Variants in TRIB2 observed in about 807,000 individuals in gnomAD.
TRIB2 encodes the protein tribbles pseudokinase 2, also known as tribbles homolog 2.
In TRIB2, 2 loss-of-function variants were observed where a neutral mutation model predicts 26.8. The observed-to-expected ratio is 0.07, with a 90% CI of 0.03 to 0.24. The LOEUF is 0.24. Ranked by LOEUF, TRIB2 falls within the 10% of genes least tolerant of loss-of-function variation. The probability of loss-of-function intolerance (pLI) is 1.00; values close to 1 mark genes in which losing one functional copy is unlikely to be tolerated. For missense variants in TRIB2, 306 were observed against 449.0 expected, an observed-to-expected ratio of 0.68 and a Z score of 2.88; for synonymous variants, 189 against 187.3, an observed-to-expected ratio of 1.01 and a Z score of -0.08.
At chr2:12,723,655 A>T in intron 2 of TRIB2, 103 bp downstream of exon 2, 1 of 1,370,888 alleles carries the variant, frequency 7.3e-7, no homozygotes, top group Non-Finnish European at 9.8e-7. Flanking sequence ...TCTGTGGTCC[A>T]GATGAGGGGA....
At chr2:12,737,049 A>G (rs1170519374) in intron 2 of TRIB2, among the ~76,000 whole-genome samples, 1 of 152,148 alleles carries the variant, frequency 6.6e-6, no homozygotes, top group African/African-American at 2.4e-5. Context: ...AACAGCAAAC[A>G]GGCTGGGATG....
In TRIB2 at chr2:12,742,507, G is replaced by A. The variant is rs1661733003; in HGVS notation, c.*1713G>A. ...CCTTGATTCTATTTTGCTAATGGAA[G>A]ATAGAAAGGAGAGAAGGTTTTTTTT... On this transcript the variant is annotated 3_prime_UTR_variant, in exon 3 of 3. Transcript: ENST00000155926. 1 of 151,622 alleles carries A rather than the reference G, an allele frequency of 6.6e-6. No individual in the cohort carries two copies. The highest frequency in any genetic ancestry group is 1.5e-5 in the Non-Finnish European group (1 of 67,902). 9.4% of individuals were successfully genotyped at this position (151,622 alleles called of 1,614,324 possible).
chr2:12,730,435 G>T (rs1661430504), intron 2 of TRIB2, among the ~76,000 whole-genome samples: 1 of 152,142 alleles, frequency 6.6e-6, no homozygotes, highest in Non-Finnish European at 1.5e-5. Context: ...CCCTGAGAAA[G>T]AATTTTCTCA....
rs140567321 is a variant in TRIB2 at position 12,739,846 on chromosome 2, G to A, written c.564-480G>A. ...TGTAGTGAGGCCAAAATGCAAGTAA[G>A]GTGAAAGGTCTTTGTGGACTGTGGT... On this transcript the variant is annotated intron_variant, in intron 2 of 2. Coordinates refer to ENST00000155926, the MANE Select transcript of TRIB2 (RefSeq NM_021643.4). Among the ~76,000 whole-genome samples, 866 of 152,320 alleles carry A rather than the reference G, an allele frequency of 5.7e-3. 7 individuals carry two copies. The highest frequency in any genetic ancestry group is 0.02 in the African/African-American group (813 of 41,564).
chr2:12,718,077 C>G lies in TRIB2; in HGVS notation c.-231C>G. On this transcript the variant is annotated 5_prime_UTR_variant, in exon 1 of 3. Transcript: ENST00000155926. The surrounding 1 kb of genome is among the most constrained non-coding windows in gnomAD (Gnocchi z 4.0). ...ACTGCTTTGGGGTAACAAAAAGACC[C>G]GAGTTGCCTGCCGACCGAGGACCCC... 1.7e-6 allele frequency: 1 copy of G among 588,238 alleles called. No individual in the cohort carries two copies. The highest frequency in any genetic ancestry group is 2.9e-5 in the East Asian group (1 of 34,894). The allele number at this position is 588,238 out of a possible 1,614,324, so 36.4% of individuals were successfully genotyped here. A position where few individuals can be genotyped will look rare whatever the true frequency, so the allele number is the denominator to read the frequency against.
At chr2:12,736,934 G>A (rs35330522) in intron 2 of TRIB2, among the ~76,000 whole-genome samples, 68,477 of 152,072 alleles carry the variant, frequency 0.45, 16,461 homozygotes, top group East Asian at 0.83. Flanking sequence ...TCGAGCAGAG[G>A]CAAGACAAAA....
At chr2:12,729,898 T>C (rs1008573595) in intron 2 of TRIB2, among the ~76,000 whole-genome samples, 1 of 152,198 alleles carries the variant, frequency 6.6e-6, no homozygotes, top group Non-Finnish European at 1.5e-5. Context: ...TATATTAATA[T>C]GTTAAGTGCC....
intron 2 of TRIB2, among the ~76,000 whole-genome samples, chr2:12,735,348 C>G (rs1031570741): frequency 6.6e-6 from 1 of 152,140 alleles, no homozygotes; most frequent in Non-Finnish European, 1.5e-5. Flanking sequence ...AAAGAGCAGG[C>G]TCCTGCCCCA....
intron 2 of TRIB2, chr2:12,724,591 G>C: frequency 6.3e-7 from 1 of 1,586,696 alleles, no homozygotes; most frequent in Non-Finnish European, 8.6e-7. Context: ...GGAAGATTTA[G>C]AGTGTGGAAC....
rs1666663510 is a variant in TRIB2 at position 12,718,949 on chromosome 2, C to A, written c.270+372C>A. The stretch of plus-strand genomic sequence containing the variant: ...CCCCTTCCAACAAGGATTAGGGAAT[C>A]CCCCGGTAATTTTAAGACTGATGAC... On this transcript the variant is annotated intron_variant, in intron 1 of 2. Coordinates refer to ENST00000155926, the MANE Select transcript of TRIB2 (RefSeq NM_021643.4). The surrounding 1 kb of genome is among the most constrained non-coding windows in gnomAD (Gnocchi z 4.0). 6.6e-6 allele frequency among the ~76,000 whole-genome samples: 1 copy of A among 152,154 alleles called. No homozygotes were observed. The highest frequency in any genetic ancestry group is 6.5e-5 in the Admixed American group (1 of 15,288).
chr2:12,718,166 T>A lies in TRIB2; in HGVS notation c.-142T>A. 8.5e-7 allele frequency: 1 copy of A among 1,182,968 alleles called. No homozygotes were observed. The highest frequency in any genetic ancestry group is 1.2e-6 in the Non-Finnish European group (1 of 868,948). 73.3% of individuals were successfully genotyped at this position (1,182,968 alleles called of 1,614,324 possible). On this transcript the variant is annotated 5_prime_UTR_variant, in exon 1 of 3. Transcript: ENST00000155926. This position sits in a 1 kb window ranked among gnomAD's most constrained non-coding sequence, Gnocchi z 4.0. ...GCCCATTTGGGGGCTTCTAACTCTT[T>A]CTCCACGCAGCCCCTCTTCTGTCCC...
At position 12,741,032 on chromosome 2, in the gene TRIB2, A is replaced by G. The variant is rs1661700245; in HGVS notation, c.*238A>G. On this transcript the variant is annotated 3_prime_UTR_variant, in exon 3 of 3. Coordinates refer to ENST00000155926, the MANE Select transcript of TRIB2 (RefSeq NM_021643.4). ...AGCCCGCTGGAGCTTGTCTTCCCTA[A>G]CATAGCCTGGGAGACCACCCCTTGC... The G allele has an allele frequency of 7.8e-6, 4 of 512,636 alleles. No individual in the cohort carries two copies. In the Admixed American group the frequency reaches 1.1e-4, roughly 13 times the overall value. The allele number at this position is 512,636 out of a possible 1,614,324, so 31.8% of individuals were successfully genotyped here.
chr2:12,718,057 T>C lies in TRIB2; in HGVS notation c.-251T>C, dbSNP rs1343215743. ...GGCGATTCTGCACATCGCCGACTGCTTTGGGGTAACAAAAAGACCCGAGTT... is the reference window on the plus strand; with the variant it reads ...GGCGATTCTGCACATCGCCGACTGCCTTGGGGTAACAAAAAGACCCGAGTT... On this transcript the variant is annotated 5_prime_UTR_variant, in exon 1 of 3. Transcript: ENST00000155926. This position sits in a 1 kb window ranked among gnomAD's most constrained non-coding sequence, Gnocchi z 4.0. 1.8e-6 allele frequency: 1 copy of C among 559,360 alleles called. No individual in the cohort carries two copies. Among genetic ancestry groups the C allele is most frequent in the East Asian group, 3.0e-5 (1 of 33,618 alleles). 34.6% of individuals were successfully genotyped at this position (559,360 alleles called of 1,614,324 possible).
Position 12,740,282 on chromosome 2 carries a change from C to G in TRIB2, c.564-44C>G. On this transcript the variant is annotated intron_variant, in intron 2 of 2. Transcript: ENST00000155926. The surrounding 1 kb of genome is among the most constrained non-coding windows in gnomAD (Gnocchi z 5.8). ...TGTTATGATGCTGGTGGTAACGTGT[C>G]TCTGAGCACCCTCAGGAGCTTATGT... 5 of 1,576,072 alleles carry G rather than the reference C, an allele frequency of 3.2e-6. No homozygotes were observed. The highest frequency in any genetic ancestry group is 3.5e-6 in the Non-Finnish European group (4 of 1,153,740).
intron 2 of TRIB2, among the ~76,000 whole-genome samples, chr2:12,727,208 A>G (rs902788255): frequency 6.6e-6 from 1 of 152,204 alleles, no homozygotes; most frequent in Non-Finnish European, 1.5e-5. Context: ...AGAAATAATA[A>G]TGGCATTCCT....
rs1484788413 is a variant in TRIB2 at position 12,741,498 on chromosome 2, C to T, written c.*704C>T. On this transcript the variant is annotated 3_prime_UTR_variant, in exon 3 of 3. Coordinates refer to ENST00000155926, the MANE Select transcript of TRIB2 (RefSeq NM_021643.4). The stretch of plus-strand genomic sequence containing the variant: ...CTGTTTTGTGTCAATTGGTTCGTGG[C>T]AGGAAGCTATTAGAAGTCAAACGTC... The T allele has an allele frequency of 6.6e-6, 1 of 152,218 alleles. No homozygotes were observed. Among genetic ancestry groups the T allele is most frequent in the East Asian group, 1.9e-4 (1 of 5,200 alleles). The allele number at this position is 152,218 out of a possible 1,614,324, so 9.4% of individuals were successfully genotyped here. A position where few individuals can be genotyped will look rare whatever the true frequency, so the allele number is the denominator to read the frequency against.
Position 12,740,369 on chromosome 2 carries a change from C to A in TRIB2, c.607C>A (p.Arg203=). ...AAGCCTGGAAGACGCCTACATTCTGCGGGGAGATGATGATTCCCTCTCCGA... is the reference window on the plus strand; with the variant it reads ...AAGCCTGGAAGACGCCTACATTCTGAGGGGAGATGATGATTCCCTCTCCGA... ...LESLEDAYIL[R]GDDDSLSDKH... The change falls in exon 3 of 3, where the codon CGG becomes AGG. Residue 203 remains arginine, a synonymous_variant. Transcript: ENST00000155926. This position sits in a 1 kb window ranked among gnomAD's most constrained non-coding sequence, Gnocchi z 5.8. The A allele has an allele frequency of 1.2e-6, 2 of 1,614,148 alleles. No homozygotes were observed. Among genetic ancestry groups the A allele is most frequent in the South Asian group, 2.2e-5 (2 of 91,074 alleles).
At position 12,717,439 on chromosome 2, in the gene TRIB2, G is replaced by A; in HGVS notation, c.-869G>A. ...GCATTCGGAGGAAGACCTGGGGCGC[G>A]AGCGAGCGGCGACAGCATGAGCCTG... is the stretch of plus-strand genomic sequence containing the variant. On this transcript the variant is annotated 5_prime_UTR_variant, in exon 1 of 3. Transcript: ENST00000155926. The surrounding 1 kb of genome is among the most constrained non-coding windows in gnomAD (Gnocchi z 4.8). 1 of 398,448 alleles carries A rather than the reference G, an allele frequency of 2.5e-6. No individual in the cohort carries two copies. Among genetic ancestry groups the A allele is most frequent in the Non-Finnish European group, 4.4e-6 (1 of 225,966 alleles). The allele number at this position is 398,448 out of a possible 1,614,324, so 24.7% of individuals were successfully genotyped here. A position where few individuals can be genotyped will look rare whatever the true frequency, so the allele number is the denominator to read the frequency against.
At position 12,733,368 on chromosome 2, in the gene TRIB2, AG is replaced by A. The variant is rs1340520072; in HGVS notation, c.564-6957del. ...CATCATCTCAGGGTCTCCCTTTAAA[AG>A]TTTTTCTTTCTTTGGCCCTAAGTAA... On this transcript the variant is annotated intron_variant, in intron 2 of 2. Transcript: ENST00000155926. Among the ~76,000 whole-genome samples, 21 of 152,260 alleles carry A rather than the reference AG, an allele frequency of 1.4e-4. 1 individual carries two copies. The highest frequency in any genetic ancestry group is 5.1e-4 in the African/African-American group (21 of 41,554).
Sources: allele counts gnomAD v4.1 joint callset (sites outside exome capture counted in the v4.1 genomes callset), GRCh38; gene constraint gnomAD v4.1.1; non-coding constraint Gnocchi (gnomAD v3.1); transcripts MANE v1.5; gene names NCBI Gene and HGNC (gene_info 2026-07-23, HGNC 2026-07-21).